The following PARVB variants were observed in gnomAD, a reference collection of about 807,000 sequenced individuals.
The protein encoded by PARVB is beta-parvin.
In PARVB, 46 loss-of-function variants were observed where a neutral mutation model predicts 47.0. The ratio of observed to expected loss-of-function variants is 0.98; its 90% CI spans 0.77 to 1.25. PARVB has a LOEUF of 1.25. Among genes scored for constraint, PARVB ranks in the 50% most tolerant of loss-of-function variants. The probability of loss-of-function intolerance (pLI) is 0.00; values close to 1 mark genes in which losing one functional copy is unlikely to be tolerated. For synonymous variants in PARVB, 196 were observed against 196.3 expected, an observed-to-expected ratio of 1.00 and a Z score of 0.01; for missense variants, 473 against 471.6, an observed-to-expected ratio of 1.00 and a Z score of -0.03.
intron 8 of PARVB, chr22:44,144,936 GC>G (rs36075760): frequency 0.47 from 71,124 of 152,194 alleles, 17,741 homozygotes; most frequent in African/African-American, 0.62. Flanking sequence ...AGGTCGGTTG[GC>G]CCCCCGTCTG....
chr22:44,032,497 T>C (rs904006354), intron 1 of PARVB, among the ~76,000 whole-genome samples: 9 of 152,094 alleles, frequency 5.9e-5, no homozygotes, highest in African/African-American at 1.2e-4. Flanking sequence ...GAGTTTGCCC[T>C]GGTTCTGAGA....
rs751926944 is a variant in PARVB at position 44,140,159 on chromosome 22, G to C, written c.712+16G>C. 2 of 1,557,202 alleles carry C rather than the reference G, an allele frequency of 1.3e-6. No individual in the cohort carries two copies. Among genetic ancestry groups the C allele is most frequent in the Non-Finnish European group, 1.7e-6 (2 of 1,151,714 alleles). On this transcript the variant is annotated intron_variant, in intron 8 of 12. Coordinates refer to ENST00000338758, the MANE Select transcript of PARVB (RefSeq NM_013327.5). Reference sequence around the variant, plus strand: ...GGCCGGTTCGGTAAGTAACCCCAGGGAAAGTGGGGAGATGGAGGCATGTTA... The same window carrying C: ...GGCCGGTTCGGTAAGTAACCCCAGGCAAAGTGGGGAGATGGAGGCATGTTA...
At chr22:44,118,994 G>A (rs746200022) in intron 3 of PARVB, 44 bp from the exon 4 acceptor site, 5 of 1,339,930 alleles carry the variant, frequency 3.7e-6, no homozygotes, top group Non-Finnish European at 5.4e-6. Flanking sequence ...CCTCATTGCC[G>A]TGGCGCTGGT....
intron 4 of PARVB, 80 bp from the exon 5 acceptor site, chr22:44,131,407 G>C: frequency 6.6e-7 from 1 of 1,510,024 alleles, no homozygotes; most frequent in South Asian, 1.2e-5. Context: ...CTCTCAAACT[G>C]CTGGGATTAC....
chr22:44,136,383 G>A, intron 6 of PARVB, 77 bp from the exon 7 acceptor site: 10 of 1,317,000 alleles, frequency 7.6e-6, no homozygotes, highest in Non-Finnish European at 9.9e-6. Flanking sequence ...CGGCCCCGCA[G>A]CTTCGTCTGC....
At chr22:44,039,904 T>C (rs1435251139) in intron 1 of PARVB, 3 of 453,812 alleles carry the variant, frequency 6.6e-6, no homozygotes, top group Non-Finnish European at 1.3e-5. Flanking sequence ...AGCCTCGAAC[T>C]CCTGGCCTCC....
chr22:44,047,955 T>C (rs745964298), intron 1 of PARVB, among the ~76,000 whole-genome samples: 1 of 152,108 alleles, frequency 6.6e-6, no homozygotes, highest in Non-Finnish European at 1.5e-5. Flanking sequence ...GGAAGACCAA[T>C]TGTGGGGCTG....
At chr22:44,030,048 T>G (rs1001520166) in intron 1 of PARVB, among the ~76,000 whole-genome samples, 1 of 152,266 alleles carries the variant, frequency 6.6e-6, no homozygotes, top group Admixed American at 6.5e-5. Context: ...AACCGAGAAT[T>G]TCCTTCAGGG....
intron 1 of PARVB, among the ~76,000 whole-genome samples, chr22:44,079,962 G>A (rs1176864221): frequency 6.6e-6 from 1 of 152,194 alleles, no homozygotes; most frequent in Non-Finnish European, 1.5e-5. Context: ...CTAATAAGGA[G>A]GCAACCTCCT....
chr22:44,106,671 T>A (rs1452962121), intron 3 of PARVB: 1 of 152,148 alleles, frequency 6.6e-6, no homozygotes, highest in Admixed American at 6.5e-5. Context: ...TCTTTCTCTG[T>A]TCTCTGTCAT....
chr22:44,006,136 G>A (rs1188834665), intron 2 of PARVB, among the ~76,000 whole-genome samples: 3 of 152,282 alleles, frequency 2.0e-5, no homozygotes, highest in African/African-American at 7.2e-5. Flanking sequence ...ATAGAGGCAG[G>A]GTCTTGCTAT....
Position 44,168,902 on chromosome 22 carries a change from A to C in PARVB, c.*224A>C, listed in dbSNP as rs2054233762. ...AGTTCCCAGTGGGCAAGAGCCTTTG[A>C]AAATGCAGGATTCTAAACACTCGTG... On this transcript the variant is annotated 3_prime_UTR_variant, in exon 13 of 13. Coordinates refer to ENST00000338758, the MANE Select transcript of PARVB (RefSeq NM_013327.5). The C allele has an allele frequency of 1.9e-6, 1 of 518,804 alleles. No individual in the cohort carries two copies. Among genetic ancestry groups the C allele is most frequent in the Non-Finnish European group, 3.5e-6 (1 of 289,844 alleles). 32.1% of individuals were successfully genotyped at this position (518,804 alleles called of 1,614,324 possible).
rs1377432106 is a variant in PARVB at position 44,089,050 on chromosome 22, C to T, written c.113-4878C>T. ...TCAGATCTGGTGACTGCAGCCTGCA[C>T]TTCCCACTCTGCCATCCCGGGCTGA... is the stretch of plus-strand genomic sequence containing the variant. On this transcript the variant is annotated intron_variant, in intron 1 of 12. Coordinates refer to ENST00000338758, the MANE Select transcript of PARVB (RefSeq NM_013327.5). The surrounding 1 kb of genome is among the most constrained non-coding windows in gnomAD (Gnocchi z 4.0). 1.3e-5 allele frequency among the ~76,000 whole-genome samples: 2 copies of T among 152,216 alleles called. No homozygotes were observed. The highest frequency in any genetic ancestry group is 1.9e-4 in the East Asian group (1 of 5,194).
At chr22:44,165,306 T>C (rs2054142791) in intron 12 of PARVB, among the ~76,000 whole-genome samples, 1 of 152,088 alleles carries the variant, frequency 6.6e-6, no homozygotes, top group Non-Finnish European at 1.5e-5. Flanking sequence ...CCCTCCCCAC[T>C]AGAACAGAAG....
At chr22:44,012,802 T>TTTTA (rs531075524) in intron 2 of PARVB, among the ~76,000 whole-genome samples, 4 of 152,102 alleles carry the variant, frequency 2.6e-5, no homozygotes, top group Non-Finnish European at 5.9e-5. Flanking sequence ...TACAGGCGGT[T>TTTTA]TTTATTTATT....
intron 1 of PARVB, among the ~76,000 whole-genome samples, chr22:44,029,949 G>A (rs1040735838): frequency 4.6e-5 from 7 of 152,200 alleles, no homozygotes; most frequent in South Asian, 2.1e-4. Context: ...CTAGGTAGCT[G>A]CGACATTGAA....
intron 2 of PARVB, 116 bp from the exon 3 acceptor site, chr22:44,099,937 C>T: frequency 1.2e-6 from 1 of 815,746 alleles, no homozygotes; most frequent in South Asian, 1.5e-5. Context: ...TCACCCTCCC[C>T]TAGTGCTGGG....
Position 44,089,637 on chromosome 22 carries a change from A to C in PARVB, c.113-4291A>C. The C allele has an allele frequency of 1.3e-5, 2 of 152,002 alleles. No individual in the cohort carries two copies. Among genetic ancestry groups the C allele is most frequent in the Non-Finnish European group, 2.9e-5 (2 of 67,966 alleles). The allele number at this position is 152,002 out of a possible 1,614,324, so 9.4% of individuals were successfully genotyped here. A position where few individuals can be genotyped will look rare whatever the true frequency, so the allele number is the denominator to read the frequency against. ...GGCGGGGGGGTCGGGGGAGGGGGGAAGCCAAGGGTGTGAGAGGAGCCCCTC... is the reference window on the plus strand; with the variant it reads ...GGCGGGGGGGTCGGGGGAGGGGGGACGCCAAGGGTGTGAGAGGAGCCCCTC... On this transcript the variant is annotated intron_variant, in intron 1 of 12. Coordinates refer to ENST00000338758, the MANE Select transcript of PARVB (RefSeq NM_013327.5). This position sits in a 1 kb window ranked among gnomAD's most constrained non-coding sequence, Gnocchi z 4.0.
At chr22:44,140,259 C>T (rs2053525441) in intron 8 of PARVB, 116 bp downstream of exon 8, 6 of 1,008,550 alleles carry the variant, frequency 5.9e-6, no homozygotes, top group African/African-American at 1.6e-5. Flanking sequence ...GGTCTCACTG[C>T]CCCCATAGTT....
Sources: allele counts gnomAD v4.1 joint callset (sites outside exome capture counted in the v4.1 genomes callset), GRCh38; gene constraint gnomAD v4.1.1; non-coding constraint Gnocchi (gnomAD v3.1); transcripts MANE v1.5; gene names NCBI Gene and HGNC (gene_info 2026-07-23, HGNC 2026-07-21).